The following DPCD variants were observed in gnomAD, a reference collection of about 807,000 sequenced individuals.
DPCD encodes the protein deleted in primary ciliary dyskinesia homolog (mouse).
DPCD carries 20 observed loss-of-function variants against 26.4 expected under a neutral mutation model. The observed-to-expected ratio is 0.76, with a 90% confidence interval of 0.53 to 1.10. DPCD has a LOEUF of 1.10. DPCD is among the 50% of genes least tolerant of loss of function. DPCD has a pLI of 0.00. For missense variants in DPCD, 202 were observed against 253.9 expected (o/e 0.80, Z 1.39); for synonymous variants, 97 against 94.2 (o/e 1.03, Z -0.17).
At chr10:101,589,883 G>A (rs902022881) in intron 1 of DPCD, among the ~76,000 whole-genome samples, 4 of 151,972 alleles carry the variant, frequency 2.6e-5, no homozygotes, top group Admixed American at 2.0e-4. Context: ...GTGAGACTGT[G>A]TCTCAGACAA....
At chr10:101,593,598 C>CA (rs1554920732) in intron 1 of DPCD, among the ~76,000 whole-genome samples, 8 of 150,910 alleles carry the variant, frequency 5.3e-5, no homozygotes, top group African/African-American at 1.9e-4. Context: ...TCTTCTTCTT[C>CA]TTTTTTTTTA....
At chr10:101,602,137 T>A (rs1010918933) in intron 4 of DPCD, among the ~76,000 whole-genome samples, 2 of 152,210 alleles carry the variant, frequency 1.3e-5, no homozygotes, top group African/African-American at 2.4e-5. Flanking sequence ...TAGGGACAAC[T>A]CCCACAAAAT....
chr10:101,593,924 C>G (rs79212716), intron 1 of DPCD, among the ~76,000 whole-genome samples: 94 of 152,272 alleles, frequency 6.2e-4, no homozygotes, highest in Non-Finnish European at 1.2e-3. Flanking sequence ...AGGAGCCACA[C>G]TTGGTCTTTA....
intron 1 of DPCD, among the ~76,000 whole-genome samples, chr10:101,592,678 C>T (rs2063619390): frequency 6.6e-6 from 1 of 151,948 alleles, no homozygotes; most frequent in African/African-American, 2.4e-5. Flanking sequence ...CGAGATCACA[C>T]CACTGCACTC....
chr10:101,591,831 G>C (rs117416511), intron 1 of DPCD, among the ~76,000 whole-genome samples: 1 of 151,744 alleles, frequency 6.6e-6, no homozygotes, highest in African/African-American at 2.4e-5. Flanking sequence ...ATAGGCGCCC[G>C]CCACCAAGCC....
chr10:101,607,110 G>C (rs2063737869), intron 4 of DPCD, among the ~76,000 whole-genome samples: 2 of 152,066 alleles, frequency 1.3e-5, no homozygotes, highest in Admixed American at 6.5e-5. Flanking sequence ...CGGTCCCACT[G>C]CCCCAGCCTG....
At position 101,603,483 on chromosome 10, in the gene DPCD, C is replaced by T. The variant is rs1415348827; in HGVS notation, c.404+2147C>T. Among the ~76,000 whole-genome samples the T allele has an allele frequency of 4.7e-5, 7 of 150,086 alleles. No homozygotes were observed. In the East Asian group the frequency reaches 1.4e-3, roughly 30 times the overall value. On this transcript the variant is annotated intron_variant, in intron 4 of 5. Transcript: ENST00000370151. The surrounding 1 kb of genome is among the most constrained non-coding windows in gnomAD (Gnocchi z 4.6). ...TTTAAGAGATGGAGTCTTGGCTGGGCGCGGTGGCTCACGCCTGTAATCCCA... is the reference window on the plus strand; with the variant it reads ...TTTAAGAGATGGAGTCTTGGCTGGGTGCGGTGGCTCACGCCTGTAATCCCA...
rs529988649 is a variant in DPCD at position 101,600,626 on chromosome 10, T to G, written c.146-112T>G. 5 of 1,459,638 alleles carry G rather than the reference T, an allele frequency of 3.4e-6. No individual in the cohort carries two copies. In the African/African-American group the frequency reaches 5.7e-5, roughly 17 times the overall value. The allele number at this position is 1,459,638 out of a possible 1,614,324, so 90.4% of individuals were successfully genotyped here. A position where few individuals can be genotyped will look rare whatever the true frequency, so the allele number is the denominator to read the frequency against. On this transcript the variant is annotated intron_variant, in intron 2 of 5. Coordinates refer to ENST00000370151, the MANE Select transcript of DPCD (RefSeq NM_015448.3). This position sits in a 1 kb window ranked among gnomAD's most constrained non-coding sequence, Gnocchi z 4.7. Reference sequence around the variant, plus strand: ...AGGCCCAACACTCCCACTTTCATCTTGTGCTAGTTACCTAGTGTGGTGCCG... The same window carrying G: ...AGGCCCAACACTCCCACTTTCATCTGGTGCTAGTTACCTAGTGTGGTGCCG...
At chr10:101,594,593 C>G in intron 1 of DPCD, 65 bp from the exon 2 acceptor site, 6 of 1,552,432 alleles carry the variant, frequency 3.9e-6, no homozygotes, top group Non-Finnish European at 4.4e-6. Context: ...AGGTAGGCCC[C>G]TTGATCTGCA....
rs753817582 is a variant in DPCD, at chr10:101,609,266, C to T, written c.508-101C>T. The T allele has an allele frequency of 2.7e-5, 29 of 1,093,162 alleles. No homozygotes were observed. In the Admixed American group the frequency reaches 2.7e-4, roughly 10 times the overall value. 67.7% of individuals were successfully genotyped at this position (1,093,162 alleles called of 1,614,324 possible). On this transcript the variant is annotated intron_variant, in intron 5 of 5. Coordinates refer to ENST00000370151, the MANE Select transcript of DPCD (RefSeq NM_015448.3). Reference sequence around the variant, plus strand: ...TCAATCCTACAGGCCTCAATTTTCTCGTGCAAATAAGGGGATCAGAAGGAG... The same window carrying T: ...TCAATCCTACAGGCCTCAATTTTCTTGTGCAAATAAGGGGATCAGAAGGAG...
intron 4 of DPCD, among the ~76,000 whole-genome samples, chr10:101,606,816 G>A (rs963190003): frequency 6.6e-6 from 1 of 152,192 alleles, no homozygotes; most frequent in Non-Finnish European, 1.5e-5. Context: ...CTATGTCTGG[G>A]GGAATGGGTG....
At chr10:101,594,779 G>C in intron 2 of DPCD, 41 bp downstream of exon 2, 16 of 1,583,458 alleles carry the variant, frequency 1.0e-5, no homozygotes, top group Non-Finnish European at 1.3e-5. Flanking sequence ...AGTAATACTT[G>C]GGGCTGACAT....
chr10:101,600,817 A>T lies in DPCD; in HGVS notation c.225A>T (p.Gly75=), dbSNP rs2063689753. 6.2e-7 allele frequency: 1 copy of T among 1,613,808 alleles called. No homozygotes were observed. Among genetic ancestry groups the T allele is most frequent in the Non-Finnish European group, 8.5e-7 (1 of 1,179,978 alleles). Residue 75 remains glycine (G), a synonymous_variant, in exon 3 of 6, where the codon GGA becomes GGT. Transcript: ENST00000370151. The surrounding 1 kb of genome is among the most constrained non-coding windows in gnomAD (Gnocchi z 4.7). The stretch of plus-strand genomic sequence containing the variant: ...AAGTAGGAGACCCAGCGCCCCTAGG[A>T]GCAGGGAACCTGGGGCCTGAACTCA... ...QLEVGDPAPL[G]AGNLGPELIK...
intron 1 of DPCD, 96 bp from the exon 2 acceptor site, chr10:101,594,562 C>A: frequency 1.6e-6 from 2 of 1,289,358 alleles, no homozygotes; most frequent in African/African-American, 2.9e-5. Context: ...CTCAGTACTC[C>A]CAAGGCTGGC....
In DPCD at chr10:101,603,686, G is replaced by T. The variant is rs1246655183; in HGVS notation, c.404+2350G>T. Among the ~76,000 whole-genome samples the T allele has an allele frequency of 1.3e-5, 2 of 151,958 alleles. No homozygotes were observed. The highest frequency in any genetic ancestry group is 4.8e-5 in the African/African-American group (2 of 41,362). ...GAAGGAGAATCGCTTGAACCCAGGA[G>T]GTAGAGGTTGCAGTGAGCCAAGATC... On this transcript the variant is annotated intron_variant, in intron 4 of 5. Transcript: ENST00000370151. This position sits in a 1 kb window ranked among gnomAD's most constrained non-coding sequence, Gnocchi z 4.6.
At chr10:101,594,589 G>A in intron 1 of DPCD, 69 bp from the exon 2 acceptor site, 6 of 1,508,142 alleles carry the variant, frequency 4.0e-6, no homozygotes, top group East Asian at 2.3e-5. Flanking sequence ...TCCCAGGTAG[G>A]CCCCTTGATC....
intron 4 of DPCD, among the ~76,000 whole-genome samples, chr10:101,608,519 G>C (rs2134785268): frequency 6.6e-6 from 1 of 152,306 alleles, no homozygotes; most frequent in South Asian, 2.1e-4. Context: ...TGAGCTATTT[G>C]TGTGTTCCAG....
At chr10:101,605,888 A>T (rs1201115727) in intron 4 of DPCD, among the ~76,000 whole-genome samples, 1 of 152,236 alleles carries the variant, frequency 6.6e-6, no homozygotes, top group African/African-American at 2.4e-5. Context: ...GTTGGGCAAG[A>T]TATCTAACTT....
At chr10:101,588,819 A>G in intron 1 of DPCD, 1 of 324,094 alleles carries the variant, frequency 3.1e-6, no homozygotes, top group Non-Finnish European at 4.4e-6. Context: ...CGGGCGCTTC[A>G]GTCGGCTCCT....
Sources: gnomAD v4.1 joint callset for allele counts (sites outside exome capture counted in the v4.1 genomes callset) on GRCh38, gnomAD v4.1.1 for gene constraint, Gnocchi (gnomAD v3.1) non-coding constraint, MANE v1.5 for transcripts, NCBI Gene and HGNC (gene_info 2026-07-23, HGNC 2026-07-21) for gene names.